The following PBRM1 variants were observed in gnomAD, a reference collection of about 807,000 sequenced individuals.
PBRM1 encodes polybromo 1, also known as protein polybromo-1.
Under a neutral mutation model 194.5 loss-of-function variants are expected in PBRM1, and 27 were observed. The observed-to-expected ratio is 0.14, with a 90% CI of 0.10 to 0.19. The LOEUF is 0.19. Ranked by LOEUF, PBRM1 falls within the 10% of genes least tolerant of loss-of-function variation. The probability of loss-of-function intolerance (pLI) is 1.00; values close to 1 mark genes in which losing one functional copy is unlikely to be tolerated. For missense variants in PBRM1, 1,466 were observed against 2,077.2 expected (o/e 0.71, Z 5.72); for synonymous variants, 655 against 693.2 (o/e 0.94, Z 0.87).
chr3:52,575,504 T>C (rs77716837), intron 22 of PBRM1, among the ~76,000 whole-genome samples: 5,486 of 145,764 alleles, frequency 0.038, 164 homozygotes, highest in Middle Eastern at 0.066. Context: ...TTTAAATCAA[T>C]TGTCTTTTTT....
chr3:52,680,282 C>T (rs1016508884), upstream of PBRM1, among the ~76,000 whole-genome samples: 1 of 152,176 alleles, frequency 6.6e-6, no homozygotes, highest in Non-Finnish European at 1.5e-5. Flanking sequence ...CCTTCTAGCA[C>T]TTTAGATGTA....
intron 5 of PBRM1, among the ~76,000 whole-genome samples, chr3:52,653,468 A>C (rs1387688687): frequency 6.6e-6 from 1 of 152,014 alleles, no homozygotes; most frequent in Non-Finnish European, 1.5e-5. Flanking sequence ...GCATGCATGT[A>C]ATCCCAGCTA....
In PBRM1 at chr3:52,609,417, T is replaced by C. The variant is rs779078335; in HGVS notation, c.2463A>G (p.Thr821=). Residue 821 remains threonine, a synonymous_variant, in exon 16 of 30, where the codon ACA becomes ACG. Coordinates refer to ENST00000296302, the Ensembl canonical transcript of PBRM1. This position sits in a 1 kb window ranked among gnomAD's most constrained non-coding sequence, Gnocchi z 4.1. The stretch of plus-strand genomic sequence containing the variant: ...CAACATTCTTCCTAATTATGTCAAA[T>C]GTAAGGGGTGGTTTGTTAGGAAAGT... The C allele has an allele frequency of 1.2e-6, 2 of 1,613,794 alleles. No homozygotes were observed. The highest frequency in any genetic ancestry group is 1.7e-6 in the Non-Finnish European group (2 of 1,179,714).
chr3:52,624,468 C>T (rs965427908), intron 13 of PBRM1, among the ~76,000 whole-genome samples: 2 of 152,236 alleles, frequency 1.3e-5, no homozygotes, highest in African/African-American at 4.8e-5. Flanking sequence ...GAAGCACTGA[C>T]CCAATGCATA....
At chr3:52,678,683 T>C in intron 1 of PBRM1, 86 bp from the exon 3 acceptor site, 1 of 782,910 alleles carries the variant, frequency 1.3e-6, no homozygotes, top group South Asian at 1.6e-5. Context: ...TACTCTTCAA[T>C]AAAAGGCAAG....
intron 17 of PBRM1, among the ~76,000 whole-genome samples, chr3:52,598,148 T>G (rs918448872): frequency 7.9e-5 from 12 of 152,240 alleles, no homozygotes; most frequent in Non-Finnish European, 4.4e-5. Flanking sequence ...AGTTCAATGG[T>G]TTTTGGTATA....
At chr3:52,657,248 A>C (rs962365430) in intron 5 of PBRM1, among the ~76,000 whole-genome samples, 1 of 152,196 alleles carries the variant, frequency 6.6e-6, no homozygotes, top group African/African-American at 2.4e-5. Context: ...GAATGTACTT[A>C]ATGCCACAGA....
intron 6 of PBRM1, among the ~76,000 whole-genome samples, chr3:52,650,501 G>A (rs528734562): frequency 1.3e-5 from 2 of 150,940 alleles, no homozygotes; most frequent in South Asian, 2.1e-4. Context: ...AGAGTTTAAA[G>A]TCAAAGAAGT....
intron 29 of PBRM1, among the ~76,000 whole-genome samples, chr3:52,549,902 CA>C (rs775273816): frequency 9.6e-4 from 116 of 120,430 alleles, no homozygotes; most frequent in African/African-American, 9.5e-4. Context: ...GAGACTGTCT[CA>C]AAAAAAAAAA....
chr3:52,648,332 A>G lies in PBRM1; in HGVS notation c.813+12T>C. On this transcript the variant is annotated intron_variant, in intron 7 of 29. Transcript: ENST00000296302. ...CAAGGAAAACAACAACAACAACAACAACAAAACTAACCTTGAATACTTGAG... is the reference window on the plus strand; with the variant it reads ...CAAGGAAAACAACAACAACAACAACGACAAAACTAACCTTGAATACTTGAG... The G allele has an allele frequency of 1.3e-6, 2 of 1,517,222 alleles. No individual in the cohort carries two copies. Among genetic ancestry groups the G allele is most frequent in the South Asian group, 1.2e-5 (1 of 85,104 alleles). 94.0% of individuals were successfully genotyped at this position (1,517,222 alleles called of 1,614,324 possible).
chr3:52,617,215 C>A, intron 14 of PBRM1, 47 bp downstream of exon 16: 1 of 1,532,182 alleles, frequency 6.5e-7, no homozygotes, highest in South Asian at 1.2e-5. Context: ...TATAAGTACC[C>A]CTCTCCCGCA....
intron 22 of PBRM1, among the ~76,000 whole-genome samples, chr3:52,564,578 A>C (rs1310418821): frequency 6.6e-6 from 1 of 151,758 alleles, no homozygotes; most frequent in Non-Finnish European, 1.5e-5. Flanking sequence ...GGGAAGTCTG[A>C]GTCTGAGGCT....
chr3:52,647,429 G>GAAAAAAAA (rs71637569), intron 7 of PBRM1, among the ~76,000 whole-genome samples: 6 of 44,496 alleles, frequency 1.3e-4, no homozygotes, highest in Admixed American at 4.2e-4. Flanking sequence ...GTATCAAAGA[G>GAAAAAAAA]AAAAAAAAAA....
chr3:52,644,095 T>C (rs933147757), intron 8 of PBRM1, among the ~76,000 whole-genome samples: 9 of 151,740 alleles, frequency 5.9e-5, no homozygotes, highest in Admixed American at 1.3e-4. Flanking sequence ...ATAAATACCA[T>C]ACTATTATCT....
At chr3:52,569,411 C>T (rs943537067) in intron 22 of PBRM1, among the ~76,000 whole-genome samples, 1 of 152,090 alleles carries the variant, frequency 6.6e-6, no homozygotes, top group East Asian at 1.9e-4. Context: ...GGGGTTTCAC[C>T]ATGTTAATGA....
chr3:52,615,301 A>C, intron 15 of PBRM1, 50 bp downstream of exon 17: 3 of 948,164 alleles, frequency 3.2e-6, no homozygotes, highest in Non-Finnish European at 5.1e-6. Context: ...AAAATCAGCA[A>C]TCTCTTCTTG....
Position 52,651,828 on chromosome 3 carries a change from A to G in PBRM1, c.646-18T>C. On this transcript the variant is annotated intron_variant, in intron 5 of 29. Coordinates refer to ENST00000296302, the Ensembl canonical transcript of PBRM1. ...GGATATTGCTGGAAGACAAAAAACC[A>G]GGCATGCTCAATAAGTTAAACTATT... 2 of 1,531,716 alleles carry G rather than the reference A, an allele frequency of 1.3e-6. No homozygotes were observed. Among genetic ancestry groups the G allele is most frequent in the East Asian group, 4.5e-5 (2 of 44,322 alleles). 94.9% of individuals were successfully genotyped at this position (1,531,716 alleles called of 1,614,324 possible).
intron 26 of PBRM1, 22 bp downstream of exon 28, chr3:52,558,227 T>A: frequency 6.8e-7 from 1 of 1,471,920 alleles, no homozygotes; most frequent in Non-Finnish European, 9.1e-7. Flanking sequence ...TGGAAAAAAA[T>A]GGTCTTAGCT....
rs368783902 is a variant in PBRM1 at position 52,582,168 on chromosome 3, G to C, written c.3388-2969C>G. ...AAGACAGGAGAATCACTTGAACCTG[G>C]GAAGTGGAGGCTGCAGTGAGCTGAG... On this transcript the variant is annotated intron_variant, in intron 20 of 29. Coordinates refer to ENST00000296302, the Ensembl canonical transcript of PBRM1. Among the ~76,000 whole-genome samples, 7 of 150,082 alleles carry C rather than the reference G, an allele frequency of 4.7e-5. No homozygotes were observed. The East Asian group carries it at 1.0e-3, about 22-fold the overall frequency.
Sources: allele counts gnomAD v4.1 joint callset (sites outside exome capture counted in the v4.1 genomes callset), GRCh38; gene constraint gnomAD v4.1.1; non-coding constraint Gnocchi (gnomAD v3.1); transcripts MANE v1.5; gene names NCBI Gene and HGNC (gene_info 2026-07-23, HGNC 2026-07-21).